SPACA1: variants seen among roughly 807,000 people sequenced by gnomAD.
SPACA1 encodes sperm acrosome associated 1.
In SPACA1, 17 loss-of-function variants were observed where a neutral mutation model predicts 32.6. That is an observed-to-expected ratio of 0.52 (90% CI 0.36 to 0.78). The LOEUF (loss-of-function observed/expected upper bound fraction) is 0.78, where lower values mean the gene tolerates loss of function less well. Among genes scored for constraint, SPACA1 ranks in the 30% least tolerant of loss-of-function variants. The pLI, the probability that SPACA1 is intolerant of heterozygous loss-of-function variation, is 0.01. For synonymous variants in SPACA1, 140 were observed against 138.1 expected (o/e 1.01, Z -0.10); for missense variants, 363 against 373.4 (o/e 0.97, Z 0.23).
intron 2 of SPACA1, among the ~76,000 whole-genome samples, chr6:88,055,692 C>A (rs749011034): frequency 6.6e-6 from 1 of 152,216 alleles, no homozygotes; most frequent in African/African-American, 2.4e-5. Flanking sequence ...TGCTTTAAGC[C>A]GGGCGCGGTG....
chr6:88,063,376 G>T (rs1289648096), intron 5 of SPACA1, among the ~76,000 whole-genome samples: 1 of 152,076 alleles, frequency 6.6e-6, no homozygotes, highest in Middle Eastern at 3.2e-3. Context: ...ATAAAAAAAT[G>T]ATAGTTGCAT....
At position 88,048,060 on chromosome 6, in the gene SPACA1, A is replaced by G; in HGVS notation, c.155A>G (p.Glu52Gly). 1 of 1,604,178 alleles carries G rather than the reference A, an allele frequency of 6.2e-7. No homozygotes were observed. Among genetic ancestry groups the G allele is most frequent in the Non-Finnish European group, 8.5e-7 (1 of 1,176,706 alleles). Residue 52 changes from glutamate (E) to glycine (G), a missense_variant, in exon 1 of 7, where the codon GAA becomes GGA. Coordinates refer to ENST00000237201, the MANE Select transcript of SPACA1 (RefSeq NM_030960.3). ...AHEGEGEEET[E>G]NNDSETAENY... is the part of the protein sequence containing the mutation. ...GAAGGCGAGGGCGAGGAGGAGACCG[A>G]AAACAACGACAGCGAGACCGCGGAG...
intron 2 of SPACA1, among the ~76,000 whole-genome samples, chr6:88,056,227 G>A (rs968438403): frequency 1.3e-5 from 2 of 151,616 alleles, no homozygotes; most frequent in Non-Finnish European, 1.5e-5. Context: ...AGTGGCACGC[G>A]CCTGTAATCC....
At chr6:88,050,005 A>G (rs1350118991) in intron 1 of SPACA1, among the ~76,000 whole-genome samples, 1 of 152,210 alleles carries the variant, frequency 6.6e-6, no homozygotes, top group Non-Finnish European at 1.5e-5. Flanking sequence ...TAATTGGAAA[A>G]TATTTTCATC....
upstream of SPACA1, chr6:88,047,658 T>G (rs981963878): frequency 2.4e-6 from 1 of 425,352 alleles, no homozygotes; most frequent in South Asian, 6.2e-5. Context: ...GGCGGCGTCC[T>G]CTCCTAGGGA....
At chr6:88,047,820 CG>C (rs1219169546), upstream of SPACA1, 14 of 1,300,914 alleles carry the variant, frequency 1.1e-5, no homozygotes, top group Non-Finnish European at 1.4e-5. Flanking sequence ...CGGCTACGGG[CG>C]GGGTGTCGCA....
At chr6:88,052,591 C>T (rs1052181318) in intron 1 of SPACA1, among the ~76,000 whole-genome samples, 1 of 152,158 alleles carries the variant, frequency 6.6e-6, no homozygotes, top group Non-Finnish European at 1.5e-5. Context: ...AATCCCAGCA[C>T]TTTGGGAGAC....
chr6:88,052,424 C>T (rs1017378281), intron 1 of SPACA1, among the ~76,000 whole-genome samples: 1 of 152,188 alleles, frequency 6.6e-6, no homozygotes, highest in Non-Finnish European at 1.5e-5. Flanking sequence ...GGTATCTAAG[C>T]ATTCCACAAT....
intron 1 of SPACA1, among the ~76,000 whole-genome samples, chr6:88,050,898 C>T (rs1477776689): frequency 6.6e-6 from 1 of 152,144 alleles, no homozygotes; most frequent in African/African-American, 2.4e-5. Flanking sequence ...GCCTGTAATC[C>T]CAGTGCTTCG....
chr6:88,066,072 A>T (rs1269450320), intron 6 of SPACA1, 110 bp from the exon 7 acceptor site: 2 of 749,314 alleles, frequency 2.7e-6, no homozygotes, highest in Non-Finnish European at 4.0e-6. Flanking sequence ...ACATACAGGT[A>T]ATACACACAC....
At chr6:88,053,281 C>T (rs1337418732) in intron 1 of SPACA1, among the ~76,000 whole-genome samples, 2 of 152,152 alleles carry the variant, frequency 1.3e-5, no homozygotes, top group South Asian at 4.2e-4. Context: ...TTGAGACTTT[C>T]GTCCTAATTT....
At chr6:88,059,071 G>A (rs942321485) in intron 4 of SPACA1, among the ~76,000 whole-genome samples, 2 of 152,110 alleles carry the variant, frequency 1.3e-5, no homozygotes, top group African/African-American at 2.4e-5. Context: ...ATTCCATTTC[G>A]GAAGGAAGGT....
Position 88,066,358 on chromosome 6 carries a change from C to A in SPACA1, c.*23C>A. 1.9e-6 allele frequency: 3 copies of A among 1,575,284 alleles called. No homozygotes were observed. Among genetic ancestry groups the A allele is most frequent in the South Asian group, 1.2e-5 (1 of 85,070 alleles). On this transcript the variant is annotated 3_prime_UTR_variant, in exon 7 of 7. Transcript: ENST00000237201. ...TGATGTTTGAATGATATATAACAAACCAAAGGATATTACAGAATATTAGAT... is the reference window on the plus strand; with the variant it reads ...TGATGTTTGAATGATATATAACAAAACAAAGGATATTACAGAATATTAGAT...
At chr6:88,048,198 A>G (rs1015513177) in intron 1 of SPACA1, 85 bp downstream of exon 1, 1 of 1,345,800 alleles carries the variant, frequency 7.4e-7, no homozygotes, top group Non-Finnish European at 1.0e-6. Flanking sequence ...AACCATAATT[A>G]TGTGTGTTAA....
chr6:88,054,637 CT>C (rs1775779252), intron 2 of SPACA1, among the ~76,000 whole-genome samples: 1 of 152,046 alleles, frequency 6.6e-6, no homozygotes, highest in Non-Finnish European at 1.5e-5. Context: ...AATTAAATTT[CT>C]TCTAAATAGA....
intron 2 of SPACA1, 101 bp downstream of exon 2, chr6:88,054,103 C>T (rs963897060): frequency 1.5e-4 from 139 of 927,434 alleles, no homozygotes; most frequent in Middle Eastern, 4.3e-4. Context: ...TACTTTCATG[C>T]ATCTCTCATG....
intron 6 of SPACA1, among the ~76,000 whole-genome samples, chr6:88,064,773 C>T (rs1469531917): frequency 1.4e-5 from 2 of 147,910 alleles, no homozygotes; most frequent in African/African-American, 4.9e-5. Flanking sequence ...ATACAATATA[C>T]ATATATCTTC....
chr6:88,065,761 A>G (rs911663003), intron 6 of SPACA1, among the ~76,000 whole-genome samples: 1 of 149,222 alleles, frequency 6.7e-6, no homozygotes. Flanking sequence ...CTGAGTAGGT[A>G]TAGTCATGTA....
chr6:88,063,021 G>C (rs752368961), intron 5 of SPACA1, among the ~76,000 whole-genome samples: 3 of 152,098 alleles, frequency 2.0e-5, no homozygotes, highest in Non-Finnish European at 2.9e-5. Flanking sequence ...GAATAAATCA[G>C]ACTGCATCAA....
Sources: gnomAD v4.1 joint callset for allele counts (sites outside exome capture counted in the v4.1 genomes callset) on GRCh38, gnomAD v4.1.1 for gene constraint, MANE v1.5 for transcripts, NCBI Gene and HGNC (gene_info 2026-07-23, HGNC 2026-07-21) for gene names.